Variants in INPP4B observed in about 807,000 individuals in gnomAD.
The protein encoded by INPP4B is inositol polyphosphate 4-phosphatase type II.
INPP4B carries 55 observed loss-of-function variants against 122.5 expected under a neutral mutation model. That is an observed-to-expected ratio of 0.45 (90% CI 0.36 to 0.56). The LOEUF (loss-of-function observed/expected upper bound fraction) is 0.56, where lower values mean the gene tolerates loss of function less well. Among genes scored for constraint, INPP4B ranks in the 20% least tolerant of loss-of-function variants. The probability of loss-of-function intolerance (pLI) is 0.00; values close to 1 mark genes in which losing one functional copy is unlikely to be tolerated. For synonymous variants in INPP4B, 403 were observed against 388.7 expected (o/e 1.04, Z -0.43); for missense variants, 1,000 against 1,097.7 (o/e 0.91, Z 1.26).
At chr4:142,540,731 G>A (rs1182548567) in intron 2 of INPP4B, among the ~76,000 whole-genome samples, 1 of 152,014 alleles carries the variant, frequency 6.6e-6, no homozygotes, top group Non-Finnish European at 1.5e-5. Flanking sequence ...TTTATTTTAT[G>A]CACTGTAAGG....
intron 14 of INPP4B, among the ~76,000 whole-genome samples, chr4:142,194,860 C>T (rs977262429): frequency 5.3e-5 from 8 of 152,072 alleles, no homozygotes; most frequent in African/African-American, 1.2e-4. Context: ...ATGTTATCTA[C>T]GATTATTATT....
intron 23 of INPP4B, among the ~76,000 whole-genome samples, chr4:142,094,705 G>C (rs1781105760): frequency 6.6e-6 from 1 of 152,142 alleles, no homozygotes; most frequent in Admixed American, 6.5e-5. Context: ...CAAACTGTAA[G>C]AAAGTCAGAG....
intron 3 of INPP4B, among the ~76,000 whole-genome samples, chr4:142,447,905 A>C (rs1813254321): frequency 6.6e-6 from 1 of 152,170 alleles, no homozygotes; most frequent in Non-Finnish European, 1.5e-5. Context: ...CTATTAAGAC[A>C]AAGAAACAAA....
intron 12 of INPP4B, among the ~76,000 whole-genome samples, chr4:142,221,448 C>G (rs1849356392): frequency 6.9e-6 from 1 of 145,124 alleles, no homozygotes; most frequent in African/African-American, 2.6e-5. Context: ...CCACTAGAAA[C>G]CTTAGCAGAG....
At chr4:142,625,050 C>A (rs1416066418) in intron 2 of INPP4B, among the ~76,000 whole-genome samples, 2 of 149,774 alleles carry the variant, frequency 1.3e-5, no homozygotes. Flanking sequence ...AAACTGGAAG[C>A]ATTCCCTTTG....
chr4:142,736,648 T>C (rs574273570), intron 1 of INPP4B, among the ~76,000 whole-genome samples: 1 of 152,334 alleles, frequency 6.6e-6, no homozygotes, highest in South Asian at 2.1e-4. Flanking sequence ...ACATTGGTTT[T>C]GTATCCTGAG....
At chr4:142,495,342 C>T (rs1165740186) in intron 2 of INPP4B, among the ~76,000 whole-genome samples, 1 of 152,002 alleles carries the variant, frequency 6.6e-6, no homozygotes, top group Non-Finnish European at 1.5e-5. Context: ...TAGATATACA[C>T]ATATGAAACG....
At chr4:142,472,016 G>A (rs374568584) in intron 2 of INPP4B, among the ~76,000 whole-genome samples, 5 of 152,048 alleles carry the variant, frequency 3.3e-5, no homozygotes, top group Admixed American at 6.5e-5. Context: ...TTAGCAGTAC[G>A]CTTATTGAGT....
At chr4:142,077,596 G>A (rs984084200) in intron 25 of INPP4B, among the ~76,000 whole-genome samples, 5 of 151,696 alleles carry the variant, frequency 3.3e-5, no homozygotes, top group Admixed American at 6.6e-5. Context: ...TACTAAAAAT[G>A]CTTTCTGCAA....
Position 142,821,759 on chromosome 4 carries a change from G to A in INPP4B, c.-254+24450C>T, listed in dbSNP as rs148284646. On this transcript the variant is annotated intron_variant, in intron 1 of 25. Transcript: ENST00000262992. ...AGAATTGTGGAGAGAACACAGGCTG[G>A]CAGGTAGTGAGCCCTCAACAAACAC... is the stretch of plus-strand genomic sequence containing the variant. 1.7e-3 allele frequency among the ~76,000 whole-genome samples: 263 copies of A among 152,216 alleles called. 2 individuals are homozygous for A. In the East Asian group the frequency reaches 0.018, roughly 10 times the overall value.
At chr4:142,469,297 C>T (rs542742671) in intron 2 of INPP4B, among the ~76,000 whole-genome samples, 60 of 152,114 alleles carry the variant, frequency 3.9e-4, no homozygotes, top group African/African-American at 1.3e-3. Flanking sequence ...CAAATTACTA[C>T]AGCAGTAACA....
intron 25 of INPP4B, chr4:142,029,818 A>T (rs1738672594): frequency 9.8e-7 from 1 of 1,020,598 alleles, no homozygotes; most frequent in Non-Finnish European, 1.2e-6. Context: ...ATTTAGTGGG[A>T]TGAGGACAGG....
At chr4:142,840,612 A>G (rs1160147941) in intron 1 of INPP4B, among the ~76,000 whole-genome samples, 1 of 152,122 alleles carries the variant, frequency 6.6e-6, no homozygotes, top group African/African-American at 2.4e-5. Context: ...GTTGACTTTA[A>G]CTTTATTAAC....
chr4:142,270,421 G>A (rs1745191983), intron 10 of INPP4B, among the ~76,000 whole-genome samples: 1 of 152,152 alleles, frequency 6.6e-6, no homozygotes, highest in Admixed American at 6.5e-5. Context: ...GTGCCAACCA[G>A]GGAGCTGGCA....
At chr4:142,373,906 ATAATAT>A (rs1790844467) in intron 7 of INPP4B, among the ~76,000 whole-genome samples, 1 of 151,940 alleles carries the variant, frequency 6.6e-6, no homozygotes, top group African/African-American at 2.4e-5. Flanking sequence ...AAATCATGTA[ATAATAT>A]TAAGAACAGC....
chr4:142,249,750 A>G (rs1731018696), intron 11 of INPP4B, among the ~76,000 whole-genome samples: 1 of 152,184 alleles, frequency 6.6e-6, no homozygotes, highest in South Asian at 2.1e-4. Context: ...CAGTGCATCC[A>G]GTGTTCTTGT....
At chr4:142,205,770 T>G (rs1054042468) in intron 14 of INPP4B, among the ~76,000 whole-genome samples, 1 of 152,142 alleles carries the variant, frequency 6.6e-6, no homozygotes, top group African/African-American at 2.4e-5. Flanking sequence ...TAAAAGGCTT[T>G]TCATTTTGCC....
intron 2 of INPP4B, among the ~76,000 whole-genome samples, chr4:142,540,369 G>C (rs764460112): frequency 5.3e-5 from 8 of 151,522 alleles, no homozygotes; most frequent in South Asian, 4.2e-4. Context: ...AAACCTTCCT[G>C]TGGAGGCTTC....
intron 7 of INPP4B, among the ~76,000 whole-genome samples, chr4:142,319,253 G>A (rs1019975386): frequency 6.6e-6 from 1 of 151,986 alleles, no homozygotes; most frequent in African/African-American, 2.4e-5. Flanking sequence ...AAAGACATTG[G>A]TTATAGTGGA....
Sources: allele counts gnomAD v4.1 joint callset (sites outside exome capture counted in the v4.1 genomes callset), GRCh38; gene constraint gnomAD v4.1.1; transcripts MANE v1.5; gene names NCBI Gene and HGNC (gene_info 2026-07-23, HGNC 2026-07-21).